NNMT: variants seen among roughly 807,000 people sequenced by gnomAD.
NNMT encodes the protein nicotinamide N-methyltransferase.
Under a neutral mutation model 11.7 loss-of-function variants are expected in NNMT, and 10 were observed. The observed-to-expected ratio is 0.85, with a 90% CI of 0.53 to 1.45. The LOEUF (loss-of-function observed/expected upper bound fraction) is 1.45, where lower values mean the gene tolerates loss of function less well. Ranked by LOEUF, NNMT falls within the 40% of genes most tolerant of loss-of-function variation. The probability of loss-of-function intolerance (pLI) is 0.00; values close to 1 mark genes in which losing one functional copy is unlikely to be tolerated. For missense variants in NNMT, 381 were observed against 319.4 expected (o/e 1.19, Z -1.47); for synonymous variants, 143 against 133.8 (o/e 1.07, Z -0.48).
At chr11:114,291,820 A>G (rs1371566032), upstream of NNMT, among the ~76,000 whole-genome samples, 13 of 152,038 alleles carry the variant, frequency 8.6e-5, no homozygotes, top group Admixed American at 8.5e-4. Context: ...TTACTCTCTT[A>G]GCCATTAACC....
upstream of NNMT, chr11:114,296,325 C>T (rs2135269843): frequency 6.2e-6 from 3 of 487,342 alleles, 1 homozygote; most frequent in South Asian, 8.4e-5. Context: ...CACCCCCGTT[C>T]GCCTAAGCTC....
At chr11:114,291,714 C>T (rs78349035), upstream of NNMT, among the ~76,000 whole-genome samples, 939 of 152,130 alleles carry the variant, frequency 6.2e-3, 9 homozygotes, top group African/African-American at 0.021. Context: ...TCTGTGGACT[C>T]GTCCTCTAAG....
intron 2 of NNMT, among the ~76,000 whole-genome samples, chr11:114,263,301 T>G (rs1027358337): frequency 2.6e-5 from 4 of 152,224 alleles, no homozygotes; most frequent in African/African-American, 7.2e-5. Context: ...TTTACAGTTA[T>G]GATTATTTTC....
At chr11:114,269,241 T>G (rs1945150012) in intron 2 of NNMT, among the ~76,000 whole-genome samples, 1 of 152,174 alleles carries the variant, frequency 6.6e-6, no homozygotes, top group Admixed American at 6.5e-5. Flanking sequence ...AGTGAAGGCT[T>G]TCTCTTCTAT....
chr11:114,312,735 A>G lies in NNMT; in HGVS notation c.*258A>G, dbSNP rs752324476. The G allele has an allele frequency of 1.4e-4, 64 of 453,850 alleles. No individual in the cohort carries two copies. The highest frequency in any genetic ancestry group is 6.5e-4 in the Admixed American group (18 of 27,660). 28.1% of individuals were successfully genotyped at this position (453,850 alleles called of 1,614,324 possible). A position where few individuals can be genotyped will look rare whatever the true frequency, so the allele number is the denominator to read the frequency against. On this transcript the variant is annotated 3_prime_UTR_variant, in exon 3 of 3. Coordinates refer to ENST00000299964, the MANE Select transcript of NNMT (RefSeq NM_006169.3). ...TCATTGCCTGTGCTTACAAAAGAAG[A>G]CCTCACTTCCCTAAACATCTAGTTA... is the stretch of plus-strand genomic sequence containing the variant.
chr11:114,292,591 A>G (rs1374041121), upstream of NNMT, among the ~76,000 whole-genome samples: 2 of 152,186 alleles, frequency 1.3e-5, no homozygotes, highest in African/African-American at 4.8e-5. Flanking sequence ...TACCCAGACA[A>G]TATGGAAATA....
At position 114,264,483 on chromosome 11, in the gene NNMT, T is replaced by G. The variant is rs185653210; in HGVS notation, c.-130+1549T>G. ...GCCACCCTCTCACAACATAGTCACA[T>G]GCAGCTTCTGACACCTAATGTAGGG... On this transcript the variant is annotated intron_variant, in intron 2 of 4. Transcript: ENST00000535401. Among the ~76,000 whole-genome samples, 53 of 152,322 alleles carry G rather than the reference T, an allele frequency of 3.5e-4. No individual in the cohort carries two copies. The East Asian group carries it at 9.1e-3, about 26-fold the overall frequency.
chr11:114,299,487 T>C (rs558926655), intron 2 of NNMT, among the ~76,000 whole-genome samples: 1 of 152,352 alleles, frequency 6.6e-6, no homozygotes, highest in East Asian at 1.9e-4. Flanking sequence ...TTTCTTCTAG[T>C]GTGCTTCACA....
chr11:114,286,629 G>T (rs1274699670), intron 2 of NNMT, among the ~76,000 whole-genome samples: 1 of 152,192 alleles, frequency 6.6e-6, no homozygotes, highest in African/African-American at 2.4e-5. Flanking sequence ...CATCCATGCT[G>T]ATGCTTGTAG....
chr11:114,290,518 G>A (rs1485475378), intron 2 of NNMT, among the ~76,000 whole-genome samples: 1 of 152,210 alleles, frequency 6.6e-6, no homozygotes, highest in Non-Finnish European at 1.5e-5. Flanking sequence ...GTGAGACAGG[G>A]AAAGCAAGCA....
intron 2 of NNMT, among the ~76,000 whole-genome samples, chr11:114,278,456 TTC>T (rs1227404972): frequency 2.0e-5 from 3 of 152,148 alleles, no homozygotes; most frequent in Non-Finnish European, 4.4e-5. Flanking sequence ...ATCAAGAATG[TTC>T]TCTTTGTACT....
At chr11:114,259,556 C>A (rs1339011682) in intron 1 of NNMT, among the ~76,000 whole-genome samples, 6 of 152,160 alleles carry the variant, frequency 3.9e-5, no homozygotes, top group Non-Finnish European at 7.4e-5. Flanking sequence ...GTCCTTGGCC[C>A]ATGGGGGCAG....
chr11:114,296,383 G>A, upstream of NNMT: 1 of 618,716 alleles, frequency 1.6e-6, no homozygotes, highest in Non-Finnish European at 2.7e-6. Flanking sequence ...GAACATTTGT[G>A]GTCTATTTCT....
At chr11:114,269,666 T>TCACAG (rs1345853181) in intron 2 of NNMT, among the ~76,000 whole-genome samples, 1 of 152,216 alleles carries the variant, frequency 6.6e-6, no homozygotes, top group African/African-American at 2.4e-5. Flanking sequence ...TTCTTCCCTT[T>TCACAG]CACAGCCAAG....
At chr11:114,286,531 T>C (rs1020963839) in intron 2 of NNMT, among the ~76,000 whole-genome samples, 1 of 152,210 alleles carries the variant, frequency 6.6e-6, no homozygotes, top group Non-Finnish European at 1.5e-5. Context: ...TTACTTTTGT[T>C]TGTTTTGGAC....
chr11:114,298,016 G>T lies in NNMT; in HGVS notation c.220G>T (p.Ala74Ser), dbSNP rs754656615. 1.9e-6 allele frequency: 3 copies of T among 1,613,970 alleles called. No homozygotes were observed. Among genetic ancestry groups the T allele is most frequent in the Non-Finnish European group, 1.7e-6 (2 of 1,180,042 alleles). The change falls in exon 2 of 3, where the codon GCT becomes TCT. Residue 74 changes from alanine (A) to serine (S), a missense_variant. Transcript: ENST00000299964. ...SGPTIYQLLS[A>S]CESFKEIVVT... is the part of the protein sequence containing the mutation. ...CCCCACTATCTATCAGCTCCTCTCTGCTTGTGAATCCTTTAAGGAGATCGT... is the reference window on the plus strand; with the variant it reads ...CCCCACTATCTATCAGCTCCTCTCTTCTTGTGAATCCTTTAAGGAGATCGT...
At chr11:114,302,797 G>A (rs1225498596) in intron 2 of NNMT, among the ~76,000 whole-genome samples, 2 of 152,056 alleles carry the variant, frequency 1.3e-5, no homozygotes, top group Non-Finnish European at 1.5e-5. Context: ...AAGAGGTCGG[G>A]GCTTTGAAAG....
intron 1 of NNMT, 116 bp from the exon 2 acceptor site, chr11:114,297,835 T>C: frequency 1.2e-6 from 1 of 846,816 alleles, no homozygotes; most frequent in East Asian, 2.5e-5. Context: ...TTGTGAACAG[T>C]AGTGGTCTGT....
At chr11:114,298,491 G>A (rs1343322558) in intron 2 of NNMT, among the ~76,000 whole-genome samples, 2 of 152,178 alleles carry the variant, frequency 1.3e-5, no homozygotes, top group African/African-American at 4.8e-5. Context: ...GTTTAGGACA[G>A]CTGCAAGTAA....
Sources: allele counts gnomAD v4.1 joint callset (sites outside exome capture counted in the v4.1 genomes callset), GRCh38; gene constraint gnomAD v4.1.1; transcripts MANE v1.5; gene names NCBI Gene and HGNC (gene_info 2026-07-23, HGNC 2026-07-21).